IL23R: variants seen among roughly 807,000 people sequenced by gnomAD.
IL23R encodes the protein interleukin 23 receptor.
Under a neutral mutation model 56.9 loss-of-function variants are expected in IL23R, and 34 were observed. The observed-to-expected ratio is 0.60, with a 90% CI of 0.45 to 0.80. The LOEUF (loss-of-function observed/expected upper bound fraction) is 0.80, where lower values mean the gene tolerates loss of function less well. Among genes scored for constraint, IL23R ranks in the 30% least tolerant of loss-of-function variants. IL23R has a pLI of 0.00. For missense variants in IL23R, 635 were observed against 730.0 expected, an observed-to-expected ratio of 0.87 and a Z score of 1.50; for synonymous variants, 230 against 249.2, an observed-to-expected ratio of 0.92 and a Z score of 0.73.
In IL23R at chr1:67,258,863, A is replaced by G; in HGVS notation, c.1625A>G (p.Asn542Ser). 3 of 1,614,088 alleles carry G rather than the reference A, an allele frequency of 1.9e-6. No homozygotes were observed. In the Middle Eastern group the frequency reaches 5.0e-4, roughly 266 times the overall value. The stretch of plus-strand genomic sequence containing the variant: ...GTTTCAAGTGTGAATTCACTAAGCA[A>G]CACAATATTTCTTGGAGAATTAAGC... ...FSVSSVNSLS[N>S]TIFLGELSLI... The change falls in exon 11 of 11, where the codon AAC (asparagine) becomes AGC (serine). Residue 542 changes from asparagine to serine, a missense_variant. By Grantham distance (46) the Asn-to-Ser change is conservative. Transcript: ENST00000347310.
chr1:67,180,424 A>C (rs879004370), intron 3 of IL23R, among the ~76,000 whole-genome samples: 1 of 151,822 alleles, frequency 6.6e-6, no homozygotes, highest in Admixed American at 6.6e-5. Flanking sequence ...CTGTTTTATC[A>C]GAGACTAGGA....
intron 8 of IL23R, among the ~76,000 whole-genome samples, chr1:67,237,921 G>A (rs1570906560): frequency 6.6e-6 from 1 of 152,278 alleles, no homozygotes; most frequent in East Asian, 1.9e-4. Flanking sequence ...ACTGTTCTGG[G>A]TACTGGGGAA....
At chr1:67,225,860 C>T (rs183198635) in intron 7 of IL23R, among the ~76,000 whole-genome samples, 76 of 152,196 alleles carry the variant, frequency 5.0e-4, no homozygotes, top group Non-Finnish European at 7.9e-4. Context: ...CTTTGCCAAG[C>T]GATACTTCTG....
chr1:67,238,486 A>G (rs914822249), intron 8 of IL23R, among the ~76,000 whole-genome samples: 1 of 152,212 alleles, frequency 6.6e-6, no homozygotes, highest in African/African-American at 2.4e-5. Flanking sequence ...AGACCTACCT[A>G]CACCTTGATA....
At chr1:67,213,797 C>T (rs769064411) in intron 6 of IL23R, among the ~76,000 whole-genome samples, 4 of 152,162 alleles carry the variant, frequency 2.6e-5, no homozygotes, top group African/African-American at 7.2e-5. Flanking sequence ...GTATCCCTGT[C>T]GTTAAGTGAC....
chr1:67,246,929 A>G (rs544470375), intron 9 of IL23R, among the ~76,000 whole-genome samples: 5 of 152,152 alleles, frequency 3.3e-5, no homozygotes, highest in Non-Finnish European at 5.9e-5. Context: ...GTCTCCCACT[A>G]TTATTGTGTG....
chr1:67,145,725 G>A (rs573723273), intron 1 of IL23R, among the ~76,000 whole-genome samples: 33 of 152,286 alleles, frequency 2.2e-4, no homozygotes, highest in Non-Finnish European at 4.3e-4. Context: ...GGGGAAAACA[G>A]GATCATTAAA....
At chr1:67,190,380 A>G (rs1024219763) in intron 4 of IL23R, among the ~76,000 whole-genome samples, 5 of 151,454 alleles carry the variant, frequency 3.3e-5, no homozygotes, top group Admixed American at 3.3e-4. Flanking sequence ...CTGGCTGTTC[A>G]CATACCTTCT....
intron 7 of IL23R, among the ~76,000 whole-genome samples, chr1:67,229,300 T>C (rs1435613125): frequency 1.3e-5 from 2 of 152,164 alleles, no homozygotes; most frequent in Non-Finnish European, 2.9e-5. Context: ...TGGTTTATGA[T>C]AAACAGCATT....
At chr1:67,262,256 G>A (rs556337182), downstream of IL23R, among the ~76,000 whole-genome samples, 14 of 152,304 alleles carry the variant, frequency 9.2e-5, no homozygotes, top group East Asian at 2.7e-3. Context: ...AGGGGGAAGA[G>A]ACAGACAGTA....
intron 9 of IL23R, among the ~76,000 whole-genome samples, chr1:67,255,391 T>G (rs1241137714): frequency 6.6e-6 from 1 of 152,178 alleles, no homozygotes; most frequent in Non-Finnish European, 1.5e-5. Flanking sequence ...TAATTTTCAT[T>G]AAGTAAGAGA....
At position 67,159,687 on chromosome 1, in the gene IL23R, G is replaced by A. The variant is rs78502524; in HGVS notation, c.-633-8405G>A. ...GCTGGAGGATCCCTTGAGGCCAGGA[G>A]TTTGAGGCTGTAGCATGCTATGATA... On this transcript the variant is annotated intron_variant, in intron 1 of 10. Transcript: ENST00000637002. Among the ~76,000 whole-genome samples the A allele has an allele frequency of 2.5e-3, 388 of 152,308 alleles. 1 individual carries two copies. Among genetic ancestry groups the A allele is most frequent in the African/African-American group, 8.5e-3 (355 of 41,564 alleles).
intron 3 of IL23R, among the ~76,000 whole-genome samples, chr1:67,172,696 T>C (rs562688294): frequency 2.3e-4 from 35 of 152,350 alleles, no homozygotes; most frequent in Admixed American, 1.8e-3. Flanking sequence ...TTATTTACAA[T>C]GATGAAAGCA....
chr1:67,226,353 T>C (rs142180244), intron 7 of IL23R, among the ~76,000 whole-genome samples: 311 of 152,300 alleles, frequency 2.0e-3, no homozygotes, highest in African/African-American at 7.3e-3. Flanking sequence ...GTGGGGGTTT[T>C]ATTGAGTGGT....
chr1:67,200,674 C>A (rs989263210), intron 4 of IL23R, 63 bp from the exon 5 acceptor site: 1 of 1,548,170 alleles, frequency 6.5e-7, no homozygotes, highest in Non-Finnish European at 8.9e-7. Context: ...TGTGAGCCAC[C>A]ATGCCTGGCC....
chr1:67,205,562 C>A (rs1298983724), intron 5 of IL23R, among the ~76,000 whole-genome samples: 1 of 152,164 alleles, frequency 6.6e-6, no homozygotes, highest in Non-Finnish European at 1.5e-5. Flanking sequence ...AACAAACTTA[C>A]AAGTATTTAC....
chr1:67,201,641 C>T (rs777722668), intron 5 of IL23R, among the ~76,000 whole-genome samples: 1 of 150,596 alleles, frequency 6.6e-6, no homozygotes, highest in Non-Finnish European at 1.5e-5. Flanking sequence ...AATTCTTATA[C>T]TCTATACACT....
intron 5 of IL23R, among the ~76,000 whole-genome samples, chr1:67,205,897 TTCTTTCTTTCTTTC>T (rs1260176458): frequency 8.1e-6 from 1 of 123,982 alleles, no homozygotes; most frequent in African/African-American, 2.8e-5. Flanking sequence ...CTTTCTTTCT[TTCTTTCTTTCTTTC>T]TTTCTTTCTT....
chr1:67,226,140 T>C (rs1221356436), intron 7 of IL23R, among the ~76,000 whole-genome samples: 1 of 152,190 alleles, frequency 6.6e-6, no homozygotes, highest in Non-Finnish European at 1.5e-5. Context: ...GGTGAGCACC[T>C]TGGGGCTCCA....
Sources: allele counts gnomAD v4.1 joint callset (sites outside exome capture counted in the v4.1 genomes callset), GRCh38; gene constraint gnomAD v4.1.1; transcripts MANE v1.5; gene names NCBI Gene and HGNC (gene_info 2026-07-23, HGNC 2026-07-21).